The following IQGAP2 variants were observed in gnomAD, a reference collection of about 807,000 sequenced individuals.
IQGAP2 encodes ras GTPase-activating-like protein IQGAP2.
IQGAP2 carries 173 observed loss-of-function variants against 201.3 expected under a neutral mutation model. That is an observed-to-expected ratio of 0.86 (90% CI 0.76 to 0.98). The LOEUF is 0.98. Ranked by LOEUF, IQGAP2 falls within the 50% of genes least tolerant of loss-of-function variation. IQGAP2 has a pLI of 0.00. For synonymous variants in IQGAP2, 675 were observed against 673.9 expected (o/e 1.00, Z -0.03); for missense variants, 1,687 against 1,864.8 (o/e 0.90, Z 1.76).
chr5:76,407,432 G>A (rs10462540), intron 1 of IQGAP2, among the ~76,000 whole-genome samples: 65,680 of 152,066 alleles, frequency 0.43, 15,027 homozygotes, highest in Non-Finnish European at 0.5. Flanking sequence ...GTAGTTAAAC[G>A]CAGTTGTGTA....
At chr5:76,648,870 A>G (rs1310926180) in intron 17 of IQGAP2, among the ~76,000 whole-genome samples, 3 of 152,212 alleles carry the variant, frequency 2.0e-5, no homozygotes, top group Non-Finnish European at 4.4e-5. Flanking sequence ...ACAAAGAAAA[A>G]GCAGACTGAA....
intron 15 of IQGAP2, among the ~76,000 whole-genome samples, chr5:76,632,829 T>G (rs1047378597): frequency 2.0e-5 from 3 of 152,104 alleles, no homozygotes; most frequent in African/African-American, 7.2e-5. Context: ...AAAAAAACTT[T>G]TTTAGTCCAA....
Position 76,611,207 on chromosome 5 carries a change from T to C in IQGAP2, c.1521+24T>C, listed in dbSNP as rs370600290. ...GAGTAAGTTTTAGTATATCTGTTTC[T>C]TTTAAATTTTACAGGCTGGGTGGCA... On this transcript the variant is annotated intron_variant, in intron 13 of 35. Transcript: ENST00000274364. 30 of 1,574,844 alleles carry C rather than the reference T, an allele frequency of 1.9e-5. No individual in the cohort carries two copies. In the African/African-American group the frequency reaches 3.7e-4, roughly 19 times the overall value.
chr5:76,459,795 C>T (rs931383169), intron 1 of IQGAP2, among the ~76,000 whole-genome samples: 3 of 152,156 alleles, frequency 2.0e-5, no homozygotes, highest in Middle Eastern at 3.4e-3. Context: ...GGATTACCAC[C>T]GCGCCTGGCT....
In IQGAP2 at chr5:76,466,005, T is replaced by C. The variant is rs1015801434; in HGVS notation, c.146+4336T>C. On this transcript the variant is annotated intron_variant, in intron 2 of 35. Transcript: ENST00000274364. ...TCTAGAAATATTCCCAGCTGCCTTC[T>C]TTTTTTTTAAATGGAGAAATTAGAA... Among the ~76,000 whole-genome samples the C allele has an allele frequency of 7.3e-5, 11 of 151,206 alleles. No homozygotes were observed. In the South Asian group the frequency reaches 2.1e-3, roughly 29 times the overall value.
chr5:76,413,256 C>T (rs1316286997), intron 1 of IQGAP2, among the ~76,000 whole-genome samples: 2 of 144,372 alleles, frequency 1.4e-5, no homozygotes, highest in Non-Finnish European at 3.0e-5. Flanking sequence ...GCAACCTCCA[C>T]CTCCCAGGTT....
At chr5:76,423,639 C>T (rs1043747202) in intron 1 of IQGAP2, among the ~76,000 whole-genome samples, 1 of 151,970 alleles carries the variant, frequency 6.6e-6, no homozygotes, top group Non-Finnish European at 1.5e-5. Flanking sequence ...AGAAATAGTG[C>T]TTGGTCATCA....
intron 2 of IQGAP2, among the ~76,000 whole-genome samples, chr5:76,487,924 G>T (rs896252570): frequency 2.6e-5 from 4 of 152,238 alleles, no homozygotes; most frequent in Non-Finnish European, 4.4e-5. Flanking sequence ...CATGACTGGG[G>T]ACAAGGAATA....
chr5:76,532,737 G>C (rs138776278), intron 2 of IQGAP2, among the ~76,000 whole-genome samples: 1 of 152,118 alleles, frequency 6.6e-6, no homozygotes, highest in Non-Finnish European at 1.5e-5. Context: ...GGACTGGCTC[G>C]TTCTTGTCGG....
intron 2 of IQGAP2, among the ~76,000 whole-genome samples, chr5:76,491,912 C>T (rs1756572985): frequency 6.6e-6 from 1 of 152,142 alleles, no homozygotes; most frequent in Non-Finnish European, 1.5e-5. Context: ...TTGTTCTGCA[C>T]CTCCCATGGC....
At chr5:76,609,318 A>C in intron 12 of IQGAP2, 5 of 1,278,064 alleles carry the variant, frequency 3.9e-6, no homozygotes, top group Non-Finnish European at 3.3e-6. Context: ...TATAGGGTAA[A>C]ACGACAGTAC....
intron 13 of IQGAP2, among the ~76,000 whole-genome samples, chr5:76,625,438 T>C (rs1750135183): frequency 6.6e-6 from 1 of 152,208 alleles, no homozygotes; most frequent in Non-Finnish European, 1.5e-5. Flanking sequence ...TAGCTCCTGC[T>C]TCCCTGTCTC....
At chr5:76,534,706 T>A (rs1300798045) in intron 2 of IQGAP2, among the ~76,000 whole-genome samples, 7 of 152,224 alleles carry the variant, frequency 4.6e-5, no homozygotes, top group African/African-American at 1.7e-4. Context: ...ATTAACCTGA[T>A]TTGAAAAACT....
At chr5:76,608,545 C>T (rs759081234) in intron 12 of IQGAP2, among the ~76,000 whole-genome samples, 5 of 152,096 alleles carry the variant, frequency 3.3e-5, no homozygotes, top group Non-Finnish European at 5.9e-5. Flanking sequence ...TTTTCATGGA[C>T]GTTTTGAAGG....
chr5:76,469,694 G>A (rs938015073), intron 2 of IQGAP2, among the ~76,000 whole-genome samples: 6 of 151,880 alleles, frequency 4.0e-5, no homozygotes, highest in East Asian at 3.9e-4. Context: ...ATGAGCCACC[G>A]CTCCTGGCCT....
intron 21 of IQGAP2, among the ~76,000 whole-genome samples, chr5:76,661,671 A>T (rs1054537295): frequency 5.3e-5 from 8 of 152,152 alleles, no homozygotes; most frequent in African/African-American, 1.9e-4. Flanking sequence ...ATATATTTTT[A>T]ATCTTCACAG....
intron 2 of IQGAP2, 69 bp from the exon 3 acceptor site, chr5:76,562,327 T>G: frequency 8.8e-7 from 1 of 1,141,260 alleles, no homozygotes; most frequent in South Asian, 1.4e-5. Flanking sequence ...AGCGAAATGC[T>G]GCATGCCTTC....
rs760830214 is a variant in IQGAP2 at position 76,562,500 on chromosome 5, C to G, written c.251C>G (p.Pro84Arg). ...GCAAAGTTAGCCAAGTTCTTTGCCCCGAAAATGGTATCAGAGAAAAAGATC... is the reference window on the plus strand; with the variant it reads ...GCAAAGTTAGCCAAGTTCTTTGCCCGGAAAATGGTATCAGAGAAAAAGATC... ...YLAKLAKFFA[P>R]KMVSEKKIYD... The change falls in exon 3 of 36, where the codon CCG (proline) becomes CGG (arginine). Residue 84 changes from proline to arginine, a missense_variant. By Grantham distance (103) the Pro-to-Arg change is moderately radical. Coordinates refer to ENST00000274364, the MANE Select transcript of IQGAP2 (RefSeq NM_006633.5). 8 of 1,613,640 alleles carry G rather than the reference C, an allele frequency of 5.0e-6. No homozygotes were observed. The Admixed American group carries it at 1.2e-4, about 24-fold the overall frequency.
In IQGAP2 at chr5:76,663,122, C is replaced by T. The variant is rs140534347; in HGVS notation, c.2530-1904C>T. ...AGCTTGCCATTTAGGCAAGACCTGA[C>T]GGTGGTTCTCATCCCCAGGGGCAAC... On this transcript the variant is annotated intron_variant, in intron 21 of 35. Transcript: ENST00000274364. Among the ~76,000 whole-genome samples, 10 of 152,320 alleles carry T rather than the reference C, an allele frequency of 6.6e-5. No individual in the cohort carries two copies. In the East Asian group the frequency reaches 1.3e-3, roughly 21 times the overall value.
Sources: gnomAD v4.1 joint callset for allele counts (sites outside exome capture counted in the v4.1 genomes callset) on GRCh38, gnomAD v4.1.1 for gene constraint, MANE v1.5 for transcripts, NCBI Gene and HGNC (gene_info 2026-07-23, HGNC 2026-07-21) for gene names.